The following TBC1D21 variants were observed in gnomAD, a reference collection of about 807,000 sequenced individuals.
TBC1D21 encodes male germ cell Rab GTPase-activating protein.
TBC1D21 carries 38 observed loss-of-function variants against 46.0 expected under a neutral mutation model. The ratio of observed to expected loss-of-function variants is 0.83; its 90% CI spans 0.64 to 1.08. The LOEUF is 1.08. Among genes scored for constraint, TBC1D21 ranks in the 50% least tolerant of loss-of-function variants. TBC1D21 has a pLI of 0.00. For synonymous variants in TBC1D21, 151 were observed against 157.2 expected (o/e 0.96, Z 0.29); for missense variants, 415 against 417.9 (o/e 0.99, Z 0.06).
At chr15:73,875,803 C>G (rs1446900735) in intron 1 of TBC1D21, among the ~76,000 whole-genome samples, 1 of 152,158 alleles carries the variant, frequency 6.6e-6, no homozygotes, top group African/African-American at 2.4e-5. Context: ...ACTTCCCCTC[C>G]CGGATTACCA....
intron 1 of TBC1D21, among the ~76,000 whole-genome samples, chr15:73,874,212 T>A (rs1317888474): frequency 3.3e-5 from 5 of 152,230 alleles, no homozygotes; most frequent in South Asian, 2.1e-4. Flanking sequence ...TTTTTCAAAA[T>A]CATAACTAAT....
intron 1 of TBC1D21, among the ~76,000 whole-genome samples, chr15:73,875,017 C>A (rs532977394): frequency 2.6e-5 from 4 of 152,164 alleles, no homozygotes; most frequent in Non-Finnish European, 5.9e-5. Flanking sequence ...GAGGCCGAAG[C>A]GGGCAGATCA....
At chr15:73,897,006 C>T in the TBC1D21 span, among the ~76,000 whole-genome samples, 3 of 152,152 alleles carry the variant, frequency 2.0e-5, no homozygotes, top group East Asian at 1.9e-4. Context: ...TATTGACAAA[C>T]GTCTTCTCAG....
At chr15:73,896,570 G>A in the TBC1D21 span, among the ~76,000 whole-genome samples, 3 of 152,056 alleles carry the variant, frequency 2.0e-5, no homozygotes, top group African/African-American at 4.8e-5. Context: ...CAATAGGAAA[G>A]GGGGCTAGAG....
downstream of TBC1D21, among the ~76,000 whole-genome samples, chr15:73,892,871 G>C (rs1221460750): frequency 6.6e-6 from 1 of 152,234 alleles, no homozygotes; most frequent in African/African-American, 2.4e-5. Context: ...AATAATGTCA[G>C]TGATGATGGC....
Position 73,873,683 on chromosome 15 carries a change from G to A in TBC1D21, c.-27G>A. The A allele has an allele frequency of 6.3e-7, 1 of 1,590,914 alleles. No individual in the cohort carries two copies. Among genetic ancestry groups the A allele is most frequent in the Non-Finnish European group, 8.6e-7 (1 of 1,166,060 alleles). ...TAGGGCTCCAAGTGAGTTCTGATCA[G>A]AGGCTGTTCGGAAGACAGCAGGGGC... On this transcript the variant is annotated 5_prime_UTR_variant, in exon 1 of 11. Coordinates refer to ENST00000300504, the MANE Select transcript of TBC1D21 (RefSeq NM_153356.3).
chr15:73,888,910 C>G (rs372583267), intron 10 of TBC1D21, among the ~76,000 whole-genome samples, 159 bp from the exon 11 acceptor site: 2 of 152,218 alleles, frequency 1.3e-5, no homozygotes, highest in African/African-American at 4.8e-5. Flanking sequence ...CCTGAGCAGG[C>G]TGTACTACTT....
chr15:73,892,728 C>T (rs748445820), downstream of TBC1D21, among the ~76,000 whole-genome samples: 6 of 152,230 alleles, frequency 3.9e-5, no homozygotes, highest in Non-Finnish European at 7.3e-5. Context: ...GCCAATAGTG[C>T]GAGCCGAATG....
chr15:73,890,917 C>T (rs1001626449), downstream of TBC1D21, among the ~76,000 whole-genome samples: 26 of 152,026 alleles, frequency 1.7e-4, no homozygotes, highest in Admixed American at 1.6e-3. Context: ...CCTGTGTTAT[C>T]TGCAAGGAGC....
At chr15:73,894,549 G>C in the TBC1D21 span, among the ~76,000 whole-genome samples, 1 of 152,168 alleles carries the variant, frequency 6.6e-6, no homozygotes, top group Non-Finnish European at 1.5e-5. Context: ...CTGGGGGTCT[G>C]GGGTTGCAGG....
chr15:73,885,104 G>T lies in TBC1D21; in HGVS notation c.579+1G>T, dbSNP rs137889565. On this transcript the variant is annotated splice_donor_variant, in intron 6 of 10. Transcript: ENST00000300504. LOFTEE classifies it high-confidence loss of function. The stretch of plus-strand genomic sequence containing the variant: ...TTTCCAGTTCTTCCTGCAGAAAACG[G>T]TGAGGGCAAGGCCTGAGCTCAGGGA... 6.2e-7 allele frequency: 1 copy of T among 1,611,296 alleles called. No individual in the cohort carries two copies. The highest frequency in any genetic ancestry group is 8.5e-7 in the Non-Finnish European group (1 of 1,179,844).
At chr15:73,905,918 C>T in the TBC1D21 span, among the ~76,000 whole-genome samples, 3 of 152,140 alleles carry the variant, frequency 2.0e-5, no homozygotes, top group South Asian at 2.1e-4. Flanking sequence ...CATTGTGCCT[C>T]CCCATCAAGA....
At chr15:73,897,581 C>T in the TBC1D21 span, among the ~76,000 whole-genome samples, 3 of 152,180 alleles carry the variant, frequency 2.0e-5, no homozygotes, top group African/African-American at 4.8e-5. Flanking sequence ...CTACAGAGGG[C>T]GCTCCTCCTC....
At position 73,881,476 on chromosome 15, in the gene TBC1D21, G is replaced by T; in HGVS notation, c.138G>T (p.Arg46=). Residue 46 remains arginine (R), a synonymous_variant, in exon 2 of 11, where the codon CGG becomes CGT. Coordinates refer to ENST00000300504, the MANE Select transcript of TBC1D21 (RefSeq NM_153356.3). ...FDESGHLAKS[R]DFICVNILER... is the part of the protein sequence containing the mutation. ...AGAGTGGCCACTTGGCCAAATCACG[G>T]GACTTCATTTGTGTTAACATCCTGG... 6.2e-7 allele frequency: 1 copy of T among 1,614,172 alleles called. No individual in the cohort carries two copies. Among genetic ancestry groups the T allele is most frequent in the East Asian group, 2.2e-5 (1 of 44,882 alleles).
intron 1 of TBC1D21, 69 bp downstream of exon 1, chr15:73,873,838 C>T: frequency 1.3e-6 from 2 of 1,542,428 alleles, no homozygotes; most frequent in Admixed American, 1.8e-5. Flanking sequence ...ACCATTTTCC[C>T]CTGCTGGGTA....
Position 73,881,285 on chromosome 15 carries a change from A to G in TBC1D21, c.61-114A>G, listed in dbSNP as rs560641059. 6 of 702,842 alleles carry G rather than the reference A, an allele frequency of 8.5e-6. No homozygotes were observed. In the South Asian group the frequency reaches 1.1e-4, roughly 13 times the overall value. 43.5% of individuals were successfully genotyped at this position (702,842 alleles called of 1,614,324 possible). On this transcript the variant is annotated intron_variant, in intron 1 of 10. Coordinates refer to ENST00000300504, the MANE Select transcript of TBC1D21 (RefSeq NM_153356.3). The stretch of plus-strand genomic sequence containing the variant: ...GTCCTCAAGATAGATTTCCGAAGTA[A>G]GTCAGGCTGTGCGCTTTGATACATA...
chr15:73,906,153 G>C, the TBC1D21 span, among the ~76,000 whole-genome samples: 1 of 152,166 alleles, frequency 6.6e-6, no homozygotes, highest in Non-Finnish European at 1.5e-5. Flanking sequence ...TCTAAATAGA[G>C]AAAAGTTTTG....
intron 1 of TBC1D21, among the ~76,000 whole-genome samples, chr15:73,875,719 A>G (rs1362067544): frequency 2.0e-5 from 3 of 152,210 alleles, no homozygotes; most frequent in South Asian, 2.1e-4. Context: ...TCTATCTAGC[A>G]GTACGCTTCC....
At chr15:73,884,939 A>C (rs1210340270) in intron 5 of TBC1D21, 48 bp downstream of exon 5, 1 of 1,610,532 alleles carries the variant, frequency 6.2e-7, no homozygotes, top group African/African-American at 1.3e-5. Context: ...ACCTGGCCCA[A>C]CCTAAGCCAA....
Sources: allele counts gnomAD v4.1 joint callset (sites outside exome capture counted in the v4.1 genomes callset), GRCh38; gene constraint gnomAD v4.1.1; transcripts MANE v1.5; gene names NCBI Gene and HGNC (gene_info 2026-07-23, HGNC 2026-07-21).